IFNG-AS1: variants seen among roughly 807,000 people sequenced by gnomAD.
IFNG-AS1 encodes IFNG regulatory antisense RNA 1, also known as IFNG antisense RNA 1 (non-protein coding).
intron 3 of IFNG-AS1, chr12:68,019,720 G>A (rs895687217): frequency 7.2e-5 from 11 of 152,210 alleles, no homozygotes; most frequent in African/African-American, 2.7e-4. Context: ...GAGTGCCCAA[G>A]AACAGCAAAT....
chr12:67,991,244 T>A (rs906614283), intron 1 of IFNG-AS1, among the ~76,000 whole-genome samples: 1 of 152,232 alleles, frequency 6.6e-6, no homozygotes. Context: ...GTATTGATTA[T>A]TAGGTTTTAA....
At chr12:68,013,807 A>G (rs1056807485) in intron 3 of IFNG-AS1, among the ~76,000 whole-genome samples, 1 of 152,260 alleles carries the variant, frequency 6.6e-6, no homozygotes, top group East Asian at 1.9e-4. Context: ...TCTTTTTCCC[A>G]TAGGATATTG....
chr12:68,007,927 G>T (rs563772658), intron 3 of IFNG-AS1, among the ~76,000 whole-genome samples: 5 of 152,254 alleles, frequency 3.3e-5, no homozygotes, highest in African/African-American at 1.2e-4. Context: ...AAATAAATAA[G>T]TGAAGCTTCT....
chr12:68,013,248 A>T (rs528413592), intron 3 of IFNG-AS1, among the ~76,000 whole-genome samples: 297 of 152,340 alleles, frequency 1.9e-3, no homozygotes, highest in Non-Finnish European at 3.4e-3. Flanking sequence ...TTTGGGATTT[A>T]TAGGGAAACA....
At chr12:68,010,958 G>C (rs552531038) in intron 3 of IFNG-AS1, among the ~76,000 whole-genome samples, 71 of 152,260 alleles carry the variant, frequency 4.7e-4, no homozygotes, top group Admixed American at 7.8e-4. Flanking sequence ...CTAGTTCTCT[G>C]TCAGGGGTTA....
At chr12:68,012,862 T>C (rs1880065981) in intron 3 of IFNG-AS1, among the ~76,000 whole-genome samples, 1 of 152,220 alleles carries the variant, frequency 6.6e-6, no homozygotes, top group Non-Finnish European at 1.5e-5. Flanking sequence ...ATGCATTCTA[T>C]AAAAACAACA....
intron 1 of IFNG-AS1, among the ~76,000 whole-genome samples, chr12:67,990,324 A>G: frequency 6.6e-6 from 1 of 152,220 alleles, no homozygotes; most frequent in East Asian, 1.9e-4. Flanking sequence ...AGCTTATTCA[A>G]CTTAACTGGT....
chr12:67,995,342 A>G (rs1200192705), intron 1 of IFNG-AS1, among the ~76,000 whole-genome samples: 2 of 145,646 alleles, frequency 1.4e-5, no homozygotes, highest in African/African-American at 5.1e-5. Flanking sequence ...AATCGCTTGA[A>G]CCCAGGAAGC....
chr12:68,010,090 G>C (rs1879992777), intron 3 of IFNG-AS1, among the ~76,000 whole-genome samples: 1 of 152,178 alleles, frequency 6.6e-6, no homozygotes, highest in Admixed American at 6.5e-5. Context: ...GGGACTCCAT[G>C]AACACTTCTG....
intron 1 of IFNG-AS1, among the ~76,000 whole-genome samples, chr12:67,990,026 A>G (rs1389885669): frequency 6.6e-6 from 1 of 152,220 alleles, no homozygotes; most frequent in Non-Finnish European, 1.5e-5. Context: ...TTTAAAATGA[A>G]TTCAGAGAAG....
intron 3 of IFNG-AS1, among the ~76,000 whole-genome samples, chr12:68,014,370 T>A (rs1480816274): frequency 6.6e-6 from 1 of 152,238 alleles, no homozygotes; most frequent in Non-Finnish European, 1.5e-5. Flanking sequence ...CACACTGTTT[T>A]CCACAGTGGC....
chr12:67,991,589 A>C (rs1355565468), intron 1 of IFNG-AS1, among the ~76,000 whole-genome samples: 1 of 152,178 alleles, frequency 6.6e-6, no homozygotes, highest in Non-Finnish European at 1.5e-5. Context: ...AGTAGCTAAG[A>C]CTGCTGATCC....
chr12:68,012,509 T>C (rs1218966221), intron 3 of IFNG-AS1, among the ~76,000 whole-genome samples: 1 of 151,570 alleles, frequency 6.6e-6, no homozygotes. Context: ...GAAAGGAGAG[T>C]AAAGGAATGA....
exon 2 of IFNG-AS1, chr12:67,995,954 C>T (rs1416947239): frequency 6.6e-6 from 1 of 152,118 alleles, no homozygotes; most frequent in Non-Finnish European, 1.5e-5. Context: ...TTGAAAAGTT[C>T]ATGACAGCTC....
At chr12:68,003,806 C>G (rs1204993280) in intron 2 of IFNG-AS1, among the ~76,000 whole-genome samples, 1 of 151,350 alleles carries the variant, frequency 6.6e-6, no homozygotes, top group Non-Finnish European at 1.5e-5. Flanking sequence ...ACCCGGGAGG[C>G]TGAGGCAGGA....
intron 1 of IFNG-AS1, among the ~76,000 whole-genome samples, chr12:67,992,280 C>T (rs984924636): frequency 2.0e-5 from 3 of 152,196 alleles, no homozygotes; most frequent in Non-Finnish European, 4.4e-5. Context: ...CATGTTGATA[C>T]ACATTATTTT....
intron 2 of IFNG-AS1, among the ~76,000 whole-genome samples, chr12:68,000,478 G>C (rs763220607): frequency 2.0e-5 from 3 of 151,966 alleles, no homozygotes; most frequent in African/African-American, 4.8e-5. Flanking sequence ...GACCAGCCTG[G>C]ACAACATAGT....
chr12:67,996,711 A>G (rs937664471), intron 2 of IFNG-AS1, among the ~76,000 whole-genome samples: 13 of 152,234 alleles, frequency 8.5e-5, no homozygotes, highest in Admixed American at 3.9e-4. Flanking sequence ...GGAGAGGGTA[A>G]TATGCAGTGG....
chr12:68,020,970 G>A (rs1032780916), intron 4 of IFNG-AS1: 3 of 152,110 alleles, frequency 2.0e-5, no homozygotes, highest in African/African-American at 4.8e-5. Context: ...AGGAAGCTGG[G>A]TAATTGAATG....
Sources: allele counts gnomAD v4.1 joint callset (sites outside exome capture counted in the v4.1 genomes callset), GRCh38; gene constraint gnomAD v4.1.1; transcripts MANE v1.5; gene names NCBI Gene and HGNC (gene_info 2026-07-23, HGNC 2026-07-21).